PCBP3: variants seen among roughly 807,000 people sequenced by gnomAD.
PCBP3 encodes poly(rC) binding protein 3, also known as poly(rC)-binding protein 3.
Under a neutral mutation model 52.7 loss-of-function variants are expected in PCBP3, and 25 were observed. The ratio of observed to expected loss-of-function variants is 0.47; its 90% CI spans 0.35 to 0.66. PCBP3 has a LOEUF of 0.66. Among genes scored for constraint, PCBP3 ranks in the 30% least tolerant of loss-of-function variants. The probability of loss-of-function intolerance (pLI) is 0.01; values close to 1 mark genes in which losing one functional copy is unlikely to be tolerated. For synonymous variants in PCBP3, 162 were observed against 183.0 expected, an observed-to-expected ratio of 0.89 and a Z score of 0.93; for missense variants, 391 against 490.3, an observed-to-expected ratio of 0.80 and a Z score of 1.91.
intron 16 of PCBP3, chr21:45,935,616 G>C: frequency 2.1e-6 from 1 of 472,924 alleles, no homozygotes; most frequent in Non-Finnish European, 4.0e-6. Flanking sequence ...CTGCCCTGGT[G>C]CGGGCCAAAC....
chr21:45,759,262 A>G (rs1353889302), intron 4 of PCBP3, among the ~76,000 whole-genome samples: 1 of 152,204 alleles, frequency 6.6e-6, no homozygotes, highest in Non-Finnish European at 1.5e-5. Context: ...ATTGTTTATT[A>G]GAATTTGCCA....
chr21:45,737,198 G>A lies in PCBP3; in HGVS notation c.-162+1769G>A, dbSNP rs546746235. On this transcript the variant is annotated intron_variant, in intron 3 of 17. Coordinates refer to ENST00000681687, the MANE Select transcript of PCBP3 (RefSeq NM_001384156.1). This position sits in a 1 kb window ranked among gnomAD's most constrained non-coding sequence, Gnocchi z 4.9. ...CATCCCGAGGCTGCTCTCAGTCCAC[G>A]TGGCGTCGGGGCTGAGAGGAGCCCA... 6.6e-6 allele frequency among the ~76,000 whole-genome samples: 1 copy of A among 152,230 alleles called. No homozygotes were observed. The highest frequency in any genetic ancestry group is 1.9e-4 in the East Asian group (1 of 5,160).
intron 5 of PCBP3, chr21:45,872,312 C>T (rs1032045273): frequency 2.0e-5 from 3 of 152,162 alleles, no homozygotes; most frequent in African/African-American, 7.2e-5. Flanking sequence ...CCCATTTTAT[C>T]GTGTGTCTAA....
chr21:45,668,388 G>A lies in PCBP3; in HGVS notation c.-278-486G>A, dbSNP rs117318024. On this transcript the variant is annotated intron_variant, in intron 1 of 17. Transcript: ENST00000681687. ...ATACCTCTAAGGAAAATACTTTTCA[G>A]TGAGCTCCGTGTCAGGTCAAATAAA... is the stretch of plus-strand genomic sequence containing the variant. Among the ~76,000 whole-genome samples, 1,102 of 152,212 alleles carry A rather than the reference G, an allele frequency of 7.2e-3. 2 individuals are homozygous for A. The highest frequency in any genetic ancestry group is 0.011 in the Non-Finnish European group (726 of 68,018).
chr21:45,923,822 A>C, intron 13 of PCBP3, among the ~76,000 whole-genome samples: 1 of 151,348 alleles, frequency 6.6e-6, no homozygotes. Context: ...GGTGTGCACG[A>C]GGAGATGCGA....
intron 2 of PCBP3, among the ~76,000 whole-genome samples, chr21:45,695,099 G>A (rs2082692356): frequency 6.6e-6 from 1 of 152,214 alleles, no homozygotes; most frequent in African/African-American, 2.4e-5. Context: ...CTTGACATAA[G>A]ATGGAGAAAT....
At chr21:45,785,194 C>A (rs1225675959) in intron 4 of PCBP3, among the ~76,000 whole-genome samples, 1 of 151,170 alleles carries the variant, frequency 6.6e-6, no homozygotes, top group Non-Finnish European at 1.5e-5. Context: ...GCAGCCGCCC[C>A]GTCTGAGAAG....
At position 45,791,858 on chromosome 21, in the gene PCBP3, G is replaced by A. The variant is rs982252608; in HGVS notation, c.-126+36406G>A. On this transcript the variant is annotated intron_variant, in intron 4 of 17. Transcript: ENST00000681687. This position sits in a 1 kb window ranked among gnomAD's most constrained non-coding sequence, Gnocchi z 4.2. Reference sequence around the variant, plus strand: ...AATCCTAAAGCAACTATGTAGTTAGGTCCTGCTCCTGAAAGCAAGGATGCA... The same window carrying A: ...AATCCTAAAGCAACTATGTAGTTAGATCCTGCTCCTGAAAGCAAGGATGCA... 6.6e-6 allele frequency among the ~76,000 whole-genome samples: 1 copy of A among 152,258 alleles called. No homozygotes were observed.
At chr21:45,729,128 C>T (rs1338625265) in intron 2 of PCBP3, among the ~76,000 whole-genome samples, 2 of 152,170 alleles carry the variant, frequency 1.3e-5, no homozygotes, top group East Asian at 1.9e-4. Flanking sequence ...TCTCTATGGA[C>T]TTGCCTGTTC....
At chr21:45,768,144 A>T (rs2089528486) in intron 4 of PCBP3, among the ~76,000 whole-genome samples, 1 of 151,958 alleles carries the variant, frequency 6.6e-6, no homozygotes, top group South Asian at 2.1e-4. Flanking sequence ...TTGCCTTCTC[A>T]CCCTTTGGTG....
chr21:45,918,021 C>A, intron 13 of PCBP3: 1 of 300,224 alleles, frequency 3.3e-6, no homozygotes, highest in Non-Finnish European at 6.5e-6. Context: ...AAACAGGCCA[C>A]AAAGATACCT....
chr21:45,833,908 C>A (rs918580465), intron 4 of PCBP3, among the ~76,000 whole-genome samples: 2 of 151,178 alleles, frequency 1.3e-5, no homozygotes, highest in South Asian at 2.1e-4. Context: ...AATATGAAAT[C>A]TTCTGTTTTT....
intron 3 of PCBP3, among the ~76,000 whole-genome samples, chr21:45,747,052 C>T (rs1007062661): frequency 6.6e-6 from 1 of 152,144 alleles, no homozygotes; most frequent in Admixed American, 6.5e-5. Context: ...AAGAGATACC[C>T]GAGACTGGGT....
chr21:45,929,954 C>A lies in PCBP3; in HGVS notation c.755C>A (p.Thr252Asn). 3 of 1,613,894 alleles carry A rather than the reference C, an allele frequency of 1.9e-6. No individual in the cohort carries two copies. Among genetic ancestry groups the A allele is most frequent in the Non-Finnish European group, 1.7e-6 (2 of 1,179,922 alleles). The change falls in exon 14 of 18, where the codon ACC (threonine) becomes AAC (asparagine). Residue 252 changes from threonine (T) to asparagine (N), a missense_variant. Physicochemically the swap from Thr to Asn is moderately conservative, Grantham distance 65. Coordinates refer to ENST00000681687, the MANE Select transcript of PCBP3 (RefSeq NM_001384156.1). Reference sequence around the variant, plus strand: ...CTCCACCAGTTGGCCATGCAGCAAACCCCCTTTCCTCCCCTCGGACAGACC... The same window carrying A: ...CTCCACCAGTTGGCCATGCAGCAAAACCCCTTTCCTCCCCTCGGACAGACC... Reference protein sequence around the residue: ...TKLHQLAMQQTPFPPLGQTNP... With the variant: ...TKLHQLAMQQNPFPPLGQTNP...
At chr21:45,658,738 G>A (rs559872633) in intron 1 of PCBP3, among the ~76,000 whole-genome samples, 1 of 152,332 alleles carries the variant, frequency 6.6e-6, no homozygotes, top group African/African-American at 2.4e-5. Flanking sequence ...TTCTCCTTGT[G>A]AAGGATTGGT....
chr21:45,934,595 C>T (rs957638434), intron 15 of PCBP3, among the ~76,000 whole-genome samples: 14 of 152,226 alleles, frequency 9.2e-5, no homozygotes, highest in South Asian at 2.1e-4. Context: ...GCCATTAGGT[C>T]TCCTTGCTCC....
intron 13 of PCBP3, among the ~76,000 whole-genome samples, chr21:45,922,944 G>GTGA (rs1410632579): frequency 1.3e-5 from 2 of 151,426 alleles, no homozygotes; most frequent in African/African-American, 4.9e-5. Flanking sequence ...TGGTTCTTCA[G>GTGA]TGAAAGAGTC....
intron 2 of PCBP3, among the ~76,000 whole-genome samples, chr21:45,685,914 A>C (rs1384558197): frequency 1.4e-5 from 2 of 146,964 alleles, no homozygotes; most frequent in Non-Finnish European, 3.0e-5. Context: ...TGTAAGATGA[A>C]CTTTTTTTTT....
chr21:45,674,006 C>A (rs1439709937), intron 2 of PCBP3, among the ~76,000 whole-genome samples: 1 of 151,504 alleles, frequency 6.6e-6, no homozygotes, highest in Non-Finnish European at 1.5e-5. Context: ...TAATAATCAC[C>A]ATAATACTTA....
Sources: allele counts gnomAD v4.1 joint callset (sites outside exome capture counted in the v4.1 genomes callset), GRCh38; gene constraint gnomAD v4.1.1; non-coding constraint Gnocchi (gnomAD v3.1); transcripts MANE v1.5; gene names NCBI Gene and HGNC (gene_info 2026-07-23, HGNC 2026-07-21).